RUNX2: variants seen among roughly 807,000 people sequenced by gnomAD.
RUNX2 encodes the protein runt-related transcription factor 2.
In RUNX2, 10 loss-of-function variants were observed where a neutral mutation model predicts 51.7. That is an observed-to-expected ratio of 0.19 (90% CI 0.12 to 0.33). The LOEUF (loss-of-function observed/expected upper bound fraction) is 0.33, where lower values mean the gene tolerates loss of function less well. Among genes scored for constraint, RUNX2 ranks in the 10% least tolerant of loss-of-function variants. The probability of loss-of-function intolerance (pLI) is 1.00; values close to 1 mark genes in which losing one functional copy is unlikely to be tolerated. For synonymous variants in RUNX2, 276 were observed against 273.6 expected, an observed-to-expected ratio of 1.01 and a Z score of -0.09; for missense variants, 562 against 691.3, an observed-to-expected ratio of 0.81 and a Z score of 2.10.
At chr6:45,404,618 A>G (rs1167137626) in intron 2 of RUNX2, among the ~76,000 whole-genome samples, 1 of 152,268 alleles carries the variant, frequency 6.6e-6, no homozygotes, top group African/African-American at 2.4e-5. Flanking sequence ...ACAGTTCTCA[A>G]GGTGCCTGTC....
At chr6:45,360,133 C>T (rs770043055) in intron 2 of RUNX2, among the ~76,000 whole-genome samples, 3 of 152,198 alleles carry the variant, frequency 2.0e-5, no homozygotes, top group Non-Finnish European at 4.4e-5. Context: ...AGTGCAACAG[C>T]ACGGAATCTG....
intron 3 of RUNX2, among the ~76,000 whole-genome samples, chr6:45,428,206 C>T (rs1798437354): frequency 6.6e-6 from 1 of 152,094 alleles, no homozygotes; most frequent in Non-Finnish European, 1.5e-5. Flanking sequence ...AAATGTTTTT[C>T]CATTGCTTGG....
chr6:45,352,223 G>A (rs1792214853), intron 2 of RUNX2, among the ~76,000 whole-genome samples: 1 of 152,112 alleles, frequency 6.6e-6, no homozygotes. Flanking sequence ...AATAACCTTT[G>A]ATCGTCTACC....
At chr6:45,409,195 G>A (rs561495967) in intron 2 of RUNX2, among the ~76,000 whole-genome samples, 9 of 152,232 alleles carry the variant, frequency 5.9e-5, no homozygotes, top group African/African-American at 2.2e-4. Context: ...TATTGGAATG[G>A]AGACTTGTCT....
chr6:45,527,999 A>G (rs2031966), intron 7 of RUNX2, among the ~76,000 whole-genome samples: 54,798 of 152,070 alleles, frequency 0.36, 11,436 homozygotes, highest in African/African-American at 0.59. Context: ...GGAAGCCTCA[A>G]TCATGGCAAA....
intron 5 of RUNX2, among the ~76,000 whole-genome samples, chr6:45,485,691 G>GTATATATATATATATATATA (rs1368496560): frequency 8.5e-5 from 7 of 82,236 alleles, no homozygotes; most frequent in African/African-American, 2.3e-4. Context: ...GTGTGTGTGT[G>GTATATATATATATATATATA]TGTGTGTATA....
At chr6:45,390,756 A>G (rs1394542806) in intron 2 of RUNX2, among the ~76,000 whole-genome samples, 2 of 152,160 alleles carry the variant, frequency 1.3e-5, no homozygotes, top group Non-Finnish European at 2.9e-5. Context: ...AGAAAGGCCA[A>G]TGGAAATGGA....
Position 45,434,650 on chromosome 6 carries a change from T to A in RUNX2, c.580+2631T>A, listed in dbSNP as rs1455010409. 2.0e-5 allele frequency among the ~76,000 whole-genome samples: 3 copies of A among 152,188 alleles called. No homozygotes were observed. The East Asian group carries it at 5.8e-4, about 29-fold the overall frequency. On this transcript the variant is annotated intron_variant, in intron 4 of 8. Coordinates refer to ENST00000647337, the MANE Select transcript of RUNX2 (RefSeq NM_001024630.4). ...CTTAAGGTTTTTCATGGTTTTTCCT[T>A]TTTTTTATCCTTAATCTTTTAAAGA... is the stretch of plus-strand genomic sequence containing the variant.
intron 3 of RUNX2, among the ~76,000 whole-genome samples, chr6:45,424,319 C>T (rs2150363728): frequency 6.6e-6 from 1 of 152,366 alleles, no homozygotes; most frequent in East Asian, 1.9e-4. Context: ...GCCCAGCGCA[C>T]ACTGGGTTGA....
intron 7 of RUNX2, among the ~76,000 whole-genome samples, chr6:45,544,479 G>T (rs370836609): frequency 6.6e-6 from 1 of 152,030 alleles, no homozygotes; most frequent in African/African-American, 2.4e-5. Flanking sequence ...GAAACCATAC[G>T]GAATTGTAAT....
chr6:45,482,946 T>C (rs369926651), intron 5 of RUNX2, among the ~76,000 whole-genome samples: 5 of 152,170 alleles, frequency 3.3e-5, no homozygotes, highest in East Asian at 3.9e-4. Context: ...GTGATTATGA[T>C]TTTTTTCCTT....
intron 5 of RUNX2, among the ~76,000 whole-genome samples, chr6:45,489,488 T>A (rs908097713): frequency 6.6e-6 from 1 of 152,170 alleles, no homozygotes; most frequent in Non-Finnish European, 1.5e-5. Flanking sequence ...AGGCAAAGCT[T>A]ATTAAATTTT....
chr6:45,336,288 T>C (rs932699405), intron 2 of RUNX2, among the ~76,000 whole-genome samples: 1 of 151,422 alleles, frequency 6.6e-6, no homozygotes, highest in Non-Finnish European at 1.5e-5. Context: ...CTTGATTATG[T>C]AGTAAAGATT....
At chr6:45,372,495 C>T (rs544925065) in intron 2 of RUNX2, among the ~76,000 whole-genome samples, 5 of 152,126 alleles carry the variant, frequency 3.3e-5, no homozygotes, top group Admixed American at 2.6e-4. Context: ...CATAAAACCA[C>T]TATAGCATTT....
At chr6:45,510,672 T>G (rs1304287526) in intron 6 of RUNX2, among the ~76,000 whole-genome samples, 1 of 152,100 alleles carries the variant, frequency 6.6e-6, no homozygotes, top group Non-Finnish European at 1.5e-5. Context: ...TTGAAACCTA[T>G]TCCAAGTGTA....
At chr6:45,484,008 G>A (rs1306429595) in intron 5 of RUNX2, among the ~76,000 whole-genome samples, 3 of 152,242 alleles carry the variant, frequency 2.0e-5, no homozygotes, top group Non-Finnish European at 4.4e-5. Flanking sequence ...CAATTGAAAG[G>A]TTTTGAGCAG....
intron 5 of RUNX2, among the ~76,000 whole-genome samples, chr6:45,459,859 A>G (rs79250140): frequency 0.026 from 3,926 of 152,304 alleles, 143 homozygotes; most frequent in African/African-American, 0.089. Flanking sequence ...ATTTGAGCGG[A>G]GGCTTGAATT....
intron 7 of RUNX2, among the ~76,000 whole-genome samples, chr6:45,527,720 T>A (rs1563125097): frequency 6.6e-6 from 1 of 152,206 alleles, no homozygotes; most frequent in Non-Finnish European, 1.5e-5. Flanking sequence ...CATTTTGAGA[T>A]CTGAAATGTT....
At chr6:45,503,112 C>T (rs1050250652) in intron 6 of RUNX2, among the ~76,000 whole-genome samples, 3 of 152,130 alleles carry the variant, frequency 2.0e-5, no homozygotes, top group Non-Finnish European at 2.9e-5. Context: ...AGAAGCTTTC[C>T]CTGATGCTCA....
Sources: gnomAD v4.1 joint callset for allele counts (sites outside exome capture counted in the v4.1 genomes callset) on GRCh38, gnomAD v4.1.1 for gene constraint, MANE v1.5 for transcripts, NCBI Gene and HGNC (gene_info 2026-07-23, HGNC 2026-07-21) for gene names.